Variants in NRG1 observed in about 807,000 individuals in gnomAD.
NRG1 encodes pro-neuregulin-1, membrane-bound isoform.
NRG1 carries 18 observed loss-of-function variants against 63.8 expected under a neutral mutation model. The ratio of observed to expected loss-of-function variants is 0.28; its 90% confidence interval spans 0.19 to 0.42. The LOEUF (loss-of-function observed/expected upper bound fraction) is 0.42. Among genes scored for constraint, NRG1 ranks in the 10% least tolerant of loss-of-function variants. The pLI, the probability that NRG1 is intolerant of heterozygous loss-of-function variation, is 1.00. For synonymous variants in NRG1, 302 were observed against 301.3 expected, an observed-to-expected ratio of 1.00 and a Z score of -0.02; for missense variants, 762 against 814.7, an observed-to-expected ratio of 0.94 and a Z score of 0.79.
At chr8:32,763,833 A>G (rs1831138856) in exon 12 of NRG1, 1 of 1,612,596 alleles carries the variant, frequency 6.2e-7, no homozygotes, top group Admixed American at 1.7e-5. Flanking sequence ...CCCTTCGGAA[A>G]TGTCTCCACC....
chr8:32,723,767 G>A (rs1357055877), intron 5 of NRG1, among the ~76,000 whole-genome samples: 1 of 146,516 alleles, frequency 6.8e-6, no homozygotes, highest in African/African-American at 2.5e-5. Context: ...AGGAAGGAGG[G>A]AAAGAAGGAA....
intron 1 of NRG1, among the ~76,000 whole-genome samples, chr8:32,329,868 T>C (rs1802431724): frequency 6.6e-6 from 1 of 151,428 alleles, no homozygotes; most frequent in South Asian, 2.1e-4. Flanking sequence ...GGTTTTGGTC[T>C]TATTTCTCTT....
At chr8:32,059,054 T>C (rs1395892267) in intron 1 of NRG1, among the ~76,000 whole-genome samples, 2 of 152,114 alleles carry the variant, frequency 1.3e-5, no homozygotes, top group Admixed American at 6.6e-5. Flanking sequence ...GTAAAAAGTA[T>C]GTTAGGATTA....
At position 31,937,799 on chromosome 8, in the gene NRG1, C is replaced by A. The variant is rs559161508; in HGVS notation, c.37+298368C>A. 2.0e-5 allele frequency among the ~76,000 whole-genome samples: 3 copies of A among 152,194 alleles called. No homozygotes were observed. The East Asian group carries it at 5.8e-4, about 29-fold the overall frequency. ...GACTCAACAGTGGCAGCCATAATCCCCCTGGGAATACAACTTCATTAGACT... is the reference window on the plus strand; with the variant it reads ...GACTCAACAGTGGCAGCCATAATCCACCTGGGAATACAACTTCATTAGACT... On this transcript the variant is annotated intron_variant, in intron 1 of 10. Coordinates refer to the NRG1 transcript ENST00000519301.
intron 1 of NRG1, among the ~76,000 whole-genome samples, chr8:31,958,104 G>A (rs1804781286): frequency 9.2e-6 from 1 of 109,218 alleles, no homozygotes; most frequent in Non-Finnish European, 2.1e-5. Context: ...GATAGGCAGA[G>A]ATGTTTGTGT....
At position 31,827,673 on chromosome 8, in the gene NRG1, C is replaced by G. The variant is rs556369398; in HGVS notation, c.37+188242C>G. 3.3e-5 allele frequency among the ~76,000 whole-genome samples: 5 copies of G among 152,260 alleles called. No individual in the cohort carries two copies. In the East Asian group the frequency reaches 5.8e-4, roughly 18 times the overall value. ...GTAGCTTTCCTTGGCAAATTTTACTCAAAAAGAAGATAAATTATTTCTGCC... is the reference window on the plus strand; with the variant it reads ...GTAGCTTTCCTTGGCAAATTTTACTGAAAAAGAAGATAAATTATTTCTGCC... On this transcript the variant is annotated intron_variant, in intron 1 of 10. Transcript: ENST00000519301.
intron 1 of NRG1, among the ~76,000 whole-genome samples, chr8:32,381,302 G>GA (rs1480628875): frequency 2.0e-5 from 3 of 152,110 alleles, no homozygotes; most frequent in Non-Finnish European, 4.4e-5. Context: ...CTTTTACTCT[G>GA]AAAAGCCTTA....
chr8:32,068,983 A>G (rs1014986306), intron 1 of NRG1, among the ~76,000 whole-genome samples: 2 of 152,204 alleles, frequency 1.3e-5, no homozygotes, highest in Non-Finnish European at 2.9e-5. Context: ...GTGAGATGGC[A>G]GAACTTAAAC....
chr8:31,968,038 C>T (rs1207586797), intron 1 of NRG1, among the ~76,000 whole-genome samples: 1 of 152,140 alleles, frequency 6.6e-6, no homozygotes, highest in East Asian at 1.9e-4. Context: ...CTTCATATTG[C>T]CTTATGAACA....
chr8:31,898,048 A>G (rs927515842), intron 1 of NRG1, among the ~76,000 whole-genome samples: 2 of 151,760 alleles, frequency 1.3e-5, no homozygotes, highest in African/African-American at 4.8e-5. Context: ...GAGAGAAGGA[A>G]AGAAAATCTT....
At chr8:32,252,344 T>G (rs1044920245) in intron 1 of NRG1, among the ~76,000 whole-genome samples, 1 of 152,222 alleles carries the variant, frequency 6.6e-6, no homozygotes, top group African/African-American at 2.4e-5. Context: ...TGTGTAAGTC[T>G]TTAATCCATC....
At chr8:32,349,480 G>A (rs1173131778) in intron 1 of NRG1, among the ~76,000 whole-genome samples, 1 of 152,142 alleles carries the variant, frequency 6.6e-6, no homozygotes, top group Non-Finnish European at 1.5e-5. Context: ...CATGGGAAGT[G>A]TGAAGGAGAC....
intron 1 of NRG1, among the ~76,000 whole-genome samples, chr8:32,542,198 C>T (rs1435283067): frequency 2.6e-5 from 4 of 152,146 alleles, no homozygotes; most frequent in African/African-American, 7.2e-5. Flanking sequence ...AGTAATTATG[C>T]TTCTTCGCAT....
rs537346112 is a variant in NRG1 at position 32,497,174 on chromosome 8, C to T, written c.38-98654C>T. On this transcript the variant is annotated intron_variant, in intron 1 of 10. Coordinates refer to the NRG1 transcript ENST00000519301. ...GAAATAGCAAAATTTCGCCCAGGCA[C>T]GGTGGCTCACGCCTGTAATCCCAGA... 1.3e-4 allele frequency among the ~76,000 whole-genome samples: 20 copies of T among 152,228 alleles called. 1 individual carries two copies. The highest frequency in any genetic ancestry group is 3.4e-4 in the African/African-American group (14 of 41,552).
chr8:32,428,881 C>G (rs1587599398), intron 1 of NRG1, among the ~76,000 whole-genome samples: 1 of 152,110 alleles, frequency 6.6e-6, no homozygotes, highest in African/African-American at 2.4e-5. Flanking sequence ...TACAGACTCT[C>G]TCATACCAGG....
chr8:32,030,767 A>G (rs529288841), intron 1 of NRG1, among the ~76,000 whole-genome samples: 1 of 152,196 alleles, frequency 6.6e-6, no homozygotes, highest in South Asian at 2.1e-4. Context: ...GCCATGCTTT[A>G]GCATCATTTC....
At chr8:31,765,559 T>C (rs1000263668) in intron 1 of NRG1, among the ~76,000 whole-genome samples, 8 of 152,228 alleles carry the variant, frequency 5.3e-5, no homozygotes, top group African/African-American at 1.7e-4. Flanking sequence ...TTTTGGCAAA[T>C]ACTTTTTCTA....
intron 1 of NRG1, among the ~76,000 whole-genome samples, chr8:32,104,267 C>G (rs1268674266): frequency 1.3e-5 from 2 of 152,106 alleles, no homozygotes; most frequent in African/African-American, 4.8e-5. Context: ...ATTTGTTTAT[C>G]TAAACTATCA....
At chr8:32,589,258 T>G (rs1390218439) in intron 1 of NRG1, among the ~76,000 whole-genome samples, 1 of 152,200 alleles carries the variant, frequency 6.6e-6, no homozygotes, top group Non-Finnish European at 1.5e-5. Context: ...ATCAACTTCG[T>G]GAGATAGTAC....
Sources: gnomAD v4.1 joint callset for allele counts (sites outside exome capture counted in the v4.1 genomes callset) on GRCh38, gnomAD v4.1.1 for gene constraint, MANE v1.5 for transcripts, NCBI Gene and HGNC (gene_info 2026-07-23, HGNC 2026-07-21) for gene names.